Variants in ATP10A observed in about 807,000 individuals in gnomAD.
The protein encoded by ATP10A is ATPase phospholipid transporting 10A (putative), also known as phospholipid-transporting ATPase VA.
ATP10A carries 111 observed loss-of-function variants against 147.8 expected under a neutral mutation model. The ratio of observed to expected loss-of-function variants is 0.75; its 90% confidence interval spans 0.64 to 0.88. The LOEUF is 0.88. Among genes scored for constraint, ATP10A ranks in the 40% least tolerant of loss-of-function variants. The pLI is 0.00. For missense variants in ATP10A, 1,927 were observed against 1,959.0 expected (o/e 0.98, Z 0.31); for synonymous variants, 875 against 841.6 (o/e 1.04, Z -0.69).
intron 16 of ATP10A, among the ~76,000 whole-genome samples, chr15:25,684,751 T>C (rs950316495): frequency 1.2e-4 from 18 of 152,192 alleles, no homozygotes; most frequent in Admixed American, 1.1e-3. Context: ...GGCTTGGTTC[T>C]GGAGCTGCAA....
intron 13 of ATP10A, among the ~76,000 whole-genome samples, chr15:25,700,935 A>AT (rs1447763686): frequency 2.6e-5 from 4 of 152,174 alleles, no homozygotes; most frequent in African/African-American, 9.6e-5. Flanking sequence ...CACTTAAAAA[A>AT]AAAAAAGGCC....
intron 1 of ATP10A, among the ~76,000 whole-genome samples, chr15:25,786,133 C>A (rs1001202887): frequency 6.6e-6 from 1 of 152,134 alleles, no homozygotes; most frequent in Non-Finnish European, 1.5e-5. Context: ...CGTGCCCAGG[C>A]GGGGAAGCTG....
chr15:25,695,050 T>C lies in ATP10A; in HGVS notation c.2857A>G (p.Arg953Gly), dbSNP rs1393158660. The C allele has an allele frequency of 2.5e-6, 4 of 1,614,038 alleles. No individual in the cohort carries two copies. Among genetic ancestry groups the C allele is most frequent in the Non-Finnish European group, 3.4e-6 (4 of 1,180,036 alleles). Reference sequence around the variant, plus strand: ...GAGGGTGGGCAGAGAGAGGAGAACCTCATGCTCACTTTGCCCTTGGTCTTC... The same window carrying C: ...GAGGGTGGGCAGAGAGAGGAGAACCCCATGCTCACTTTGCCCTTGGTCTTC... ...PEKTKGKVSM[R>G]FSSLCPPSTS... The change falls in exon 14 of 21, where the codon AGG becomes GGG. Residue 953 changes from arginine to glycine, a missense_variant. Coordinates refer to ENST00000555815, the MANE Select transcript of ATP10A (RefSeq NM_024490.4).
intron 2 of ATP10A, among the ~76,000 whole-genome samples, chr15:25,769,768 C>T (rs1012091798): frequency 3.3e-5 from 5 of 152,176 alleles, no homozygotes; most frequent in Non-Finnish European, 5.9e-5. Context: ...CACTCCGAAC[C>T]TGCACTGTGA....
chr15:25,770,405 A>T (rs1429888003), intron 2 of ATP10A, among the ~76,000 whole-genome samples: 1 of 151,884 alleles, frequency 6.6e-6, no homozygotes, highest in East Asian at 1.9e-4. Flanking sequence ...ACTCACTTGG[A>T]CCCCAGCAGG....
At chr15:25,865,023 T>C (rs1893925184), upstream of ATP10A, 1 of 152,312 alleles carries the variant, frequency 6.6e-6, no homozygotes, top group African/African-American at 2.4e-5. Flanking sequence ...ACCCTGGAGC[T>C]TCCAGGAGTA....
At position 25,711,848 on chromosome 15, in the gene ATP10A, C is replaced by T. The variant is rs952328026; in HGVS notation, c.2344+1826G>A. ...CTCCCCGGCCTGGGCAGGGGCTCCCCTACCCCGACTGTGAGTTTGATTTTG... is the reference window on the plus strand; with the variant it reads ...CTCCCCGGCCTGGGCAGGGGCTCCCTTACCCCGACTGTGAGTTTGATTTTG... On this transcript the variant is annotated intron_variant, in intron 10 of 20. Transcript: ENST00000555815. Among the ~76,000 whole-genome samples, 75 of 152,302 alleles carry T rather than the reference C, an allele frequency of 4.9e-4. 1 individual carries two copies. Among genetic ancestry groups the T allele is most frequent in the Middle Eastern group, 3.4e-3 (1 of 294 alleles).
At chr15:25,827,985 GA>G (rs1197030916) in intron 1 of ATP10A, among the ~76,000 whole-genome samples, 2 of 152,084 alleles carry the variant, frequency 1.3e-5, no homozygotes, top group East Asian at 3.9e-4. Flanking sequence ...GTAACCAAAA[GA>G]GCTGAATTGG....
intron 1 of ATP10A, 179 bp downstream of exon 1, chr15:25,862,469 A>T (rs1336453985): frequency 1.3e-6 from 1 of 754,822 alleles, no homozygotes; most frequent in Admixed American, 2.5e-5. Context: ...AGGCACAGAG[A>T]GGCCTTGGCG....
At chr15:25,776,203 A>T (rs1889597061) in intron 2 of ATP10A, among the ~76,000 whole-genome samples, 1 of 152,302 alleles carries the variant, frequency 6.6e-6, no homozygotes, top group South Asian at 2.1e-4. Context: ...ATGAACTAGA[A>T]ACTGCTACCC....
At chr15:25,770,760 C>A (rs1266746454) in intron 2 of ATP10A, among the ~76,000 whole-genome samples, 5 of 152,174 alleles carry the variant, frequency 3.3e-5, no homozygotes, top group African/African-American at 4.8e-5. Context: ...TGCAGGGCTG[C>A]CCTGCAGGGC....
At chr15:25,709,759 G>A (rs545691375) in intron 10 of ATP10A, 25 of 152,584 alleles carry the variant, frequency 1.6e-4, no homozygotes, top group Admixed American at 7.8e-4. Context: ...ACACACACCT[G>A]TGCCCCTTCT....
chr15:25,854,544 C>T (rs746314865), intron 1 of ATP10A, among the ~76,000 whole-genome samples: 13 of 152,150 alleles, frequency 8.5e-5, no homozygotes, highest in Non-Finnish European at 1.2e-4. Flanking sequence ...TTATGTGACT[C>T]AAAGAAATGG....
chr15:25,857,428 C>T (rs2140921249), intron 1 of ATP10A, among the ~76,000 whole-genome samples: 1 of 152,252 alleles, frequency 6.6e-6, no homozygotes, highest in South Asian at 2.1e-4. Flanking sequence ...GCCTAGGCAA[C>T]AGGGCAAGAC....
chr15:25,695,560 C>A lies in ATP10A; in HGVS notation c.2761-414G>T, dbSNP rs1009626917. 2.6e-5 allele frequency among the ~76,000 whole-genome samples: 4 copies of A among 152,132 alleles called. No homozygotes were observed. The South Asian group carries it at 8.3e-4, about 32-fold the overall frequency. Reference sequence around the variant, plus strand: ...AGGAGAATGGCATGAACCTGGGAGGCGGAGCTTGCAGTGAGCCAAGATCAT... The same window carrying A: ...AGGAGAATGGCATGAACCTGGGAGGAGGAGCTTGCAGTGAGCCAAGATCAT... On this transcript the variant is annotated intron_variant, in intron 13 of 20. Coordinates refer to ENST00000555815, the MANE Select transcript of ATP10A (RefSeq NM_024490.4).
intron 2 of ATP10A, among the ~76,000 whole-genome samples, chr15:25,761,921 A>T (rs182585626): frequency 5.6e-4 from 86 of 152,284 alleles, no homozygotes; most frequent in African/African-American, 2.0e-3. Flanking sequence ...GTGTTTTGAA[A>T]TGTGAGGACG....
intron 1 of ATP10A, among the ~76,000 whole-genome samples, chr15:25,786,641 T>TTTTTTTTC (rs869155871): frequency 1.2e-5 from 1 of 85,596 alleles, no homozygotes; most frequent in African/African-American, 4.3e-5. Context: ...TTTTTTTTTT[T>TTTTTTTTC]TTGAGGCGGA....
At chr15:25,745,237 A>G (rs1887785155) in intron 2 of ATP10A, among the ~76,000 whole-genome samples, 1 of 152,056 alleles carries the variant, frequency 6.6e-6, no homozygotes, top group Non-Finnish European at 1.5e-5. Flanking sequence ...GAGGCAGGAG[A>G]ATCACTTGAA....
chr15:25,715,972 C>T (rs1020751814), intron 9 of ATP10A, among the ~76,000 whole-genome samples: 1 of 152,200 alleles, frequency 6.6e-6, no homozygotes, highest in Non-Finnish European at 1.5e-5. Context: ...TTCTGGGGTG[C>T]ACTGGGTGAT....
Sources: allele counts gnomAD v4.1 joint callset (sites outside exome capture counted in the v4.1 genomes callset), GRCh38; gene constraint gnomAD v4.1.1; transcripts MANE v1.5; gene names NCBI Gene and HGNC (gene_info 2026-07-23, HGNC 2026-07-21).